The following PRKG1 variants were observed in gnomAD, a reference collection of about 807,000 sequenced individuals.
The protein encoded by PRKG1 is cGMP-dependent protein kinase 1.
A neutral mutation model predicts 88.1 loss-of-function variants in PRKG1; 35 were observed. The observed-to-expected ratio is 0.40, with a 90% CI of 0.30 to 0.53. The LOEUF is 0.53. PRKG1 is among the 20% of genes least tolerant of loss of function. The probability of loss-of-function intolerance (pLI) is 0.59; values close to 1 mark genes in which losing one functional copy is unlikely to be tolerated. For synonymous variants in PRKG1, 303 were observed against 292.5 expected (o/e 1.04, Z -0.37); for missense variants, 540 against 839.8 (o/e 0.64, Z 4.41).
intron 2 of PRKG1, among the ~76,000 whole-genome samples, chr10:51,279,828 A>G (rs1840241429): frequency 1.3e-5 from 2 of 152,016 alleles, no homozygotes; most frequent in South Asian, 2.1e-4. Context: ...TCTTTATCCA[A>G]TTTGCCAGTC....
intron 3 of PRKG1, among the ~76,000 whole-genome samples, chr10:51,563,995 C>T (rs1837535750): frequency 6.6e-6 from 1 of 152,104 alleles, no homozygotes; most frequent in Non-Finnish European, 1.5e-5. Flanking sequence ...GTAACTGCTT[C>T]CCAGTAAATT....
chr10:51,645,364 C>T (rs905464490), intron 3 of PRKG1, among the ~76,000 whole-genome samples: 2 of 152,152 alleles, frequency 1.3e-5, no homozygotes, highest in African/African-American at 4.8e-5. Context: ...GCAACAACAT[C>T]TTATATGTTT....
intron 3 of PRKG1, among the ~76,000 whole-genome samples, chr10:51,519,295 ATAAG>A (rs545756905): frequency 1.1e-4 from 17 of 152,130 alleles, no homozygotes; most frequent in Non-Finnish European, 2.4e-4. Flanking sequence ...TCAACAACCT[ATAAG>A]TAAGGTAGAT....
chr10:52,002,358 T>C (rs575061097), intron 5 of PRKG1, among the ~76,000 whole-genome samples: 2 of 152,226 alleles, frequency 1.3e-5, no homozygotes, highest in South Asian at 4.1e-4. Flanking sequence ...GGGAATACTT[T>C]TTGTTTCCAC....
intron 7 of PRKG1, among the ~76,000 whole-genome samples, chr10:52,075,990 G>A (rs1846619242): frequency 6.6e-6 from 1 of 152,062 alleles, no homozygotes; most frequent in Non-Finnish European, 1.5e-5. Flanking sequence ...TAAATTTAAA[G>A]GGGATAATTT....
At chr10:51,763,749 G>T (rs1589267266) in intron 3 of PRKG1, among the ~76,000 whole-genome samples, 1 of 151,212 alleles carries the variant, frequency 6.6e-6, no homozygotes, top group African/African-American at 2.5e-5. Flanking sequence ...AGAAAAAAAA[G>T]GAATTTATTT....
Position 51,514,309 on chromosome 10 carries a change from G to A in PRKG1, c.592+46473G>A, listed in dbSNP as rs112516706. ...TAATTTTTATTTCTTTGTCTGGGTC[G>A]TGGTTATACTAGTGTGTTCACTATC... is the stretch of plus-strand genomic sequence containing the variant. On this transcript the variant is annotated intron_variant, in intron 3 of 17. Coordinates refer to ENST00000373980, the MANE Select transcript of PRKG1 (RefSeq NM_006258.4). 3.8e-3 allele frequency among the ~76,000 whole-genome samples: 578 copies of A among 152,214 alleles called. 8 individuals are homozygous for A. The highest frequency in any genetic ancestry group is 0.011 in the Admixed American group (171 of 15,282).
chr10:51,220,948 A>G (rs1402699164), intron 2 of PRKG1, among the ~76,000 whole-genome samples: 1 of 152,128 alleles, frequency 6.6e-6, no homozygotes, highest in Non-Finnish European at 1.5e-5. Context: ...TGTAGTATGT[A>G]GAAATCTAAT....
At chr10:51,496,839 A>G (rs1205944344) in intron 3 of PRKG1, among the ~76,000 whole-genome samples, 1 of 152,196 alleles carries the variant, frequency 6.6e-6, no homozygotes, top group Non-Finnish European at 1.5e-5. Context: ...TTGAAGCTAT[A>G]TTCTGAGTTG....
intron 2 of PRKG1, among the ~76,000 whole-genome samples, chr10:51,380,725 T>C (rs1564469506): frequency 6.6e-6 from 1 of 152,058 alleles, no homozygotes; most frequent in Non-Finnish European, 1.5e-5. Flanking sequence ...GTGAACAGAA[T>C]GTAGAGGAGG....
intron 1 of PRKG1, among the ~76,000 whole-genome samples, chr10:51,039,569 G>A (rs886875072): frequency 6.6e-6 from 1 of 152,048 alleles, no homozygotes; most frequent in East Asian, 1.9e-4. Flanking sequence ...CCTTTGCTGT[G>A]GAGAAGTTTT....
intron 2 of PRKG1, among the ~76,000 whole-genome samples, chr10:51,436,412 A>G (rs2132736936): frequency 6.6e-6 from 1 of 152,096 alleles, no homozygotes. Flanking sequence ...CTCGTCATCA[A>G]CATGCCTTTA....
intron 2 of PRKG1, among the ~76,000 whole-genome samples, chr10:51,316,484 C>A (rs191334245): frequency 8.0e-4 from 122 of 152,132 alleles, no homozygotes; most frequent in African/African-American, 2.7e-3. Flanking sequence ...GAGTTCAAGA[C>A]CAGCCTGGCC....
In PRKG1 at chr10:52,062,489, C is replaced by T. The variant is rs147960972; in HGVS notation, c.841-48C>T. 45 of 1,199,478 alleles carry T rather than the reference C, an allele frequency of 3.8e-5. No homozygotes were observed. In the African/African-American group the frequency reaches 6.0e-4, roughly 16 times the overall value. The allele number at this position is 1,199,478 out of a possible 1,614,324, so 74.3% of individuals were successfully genotyped here. A position where few individuals can be genotyped will look rare whatever the true frequency, so the allele number is the denominator to read the frequency against. ...CTTCATTAATTAGTGTTCCTTTGTC[C>T]ATTGTGGGTAAGCAGTGGATCTAAA... On this transcript the variant is annotated intron_variant, in intron 6 of 17. Transcript: ENST00000373980.
At chr10:51,537,055 C>T (rs1842174927) in intron 3 of PRKG1, among the ~76,000 whole-genome samples, 1 of 152,008 alleles carries the variant, frequency 6.6e-6, no homozygotes, top group African/African-American at 2.4e-5. Flanking sequence ...GGTAGATGTC[C>T]AGGTCCACTC....
At chr10:52,118,568 A>G (rs1252126340) in intron 7 of PRKG1, among the ~76,000 whole-genome samples, 1 of 152,042 alleles carries the variant, frequency 6.6e-6, no homozygotes, top group Non-Finnish European at 1.5e-5. Flanking sequence ...TTTGGTAAAA[A>G]TTGATATGTT....
intron 4 of PRKG1, among the ~76,000 whole-genome samples, chr10:51,833,301 G>C (rs144430584): frequency 1.2e-4 from 18 of 152,276 alleles, no homozygotes; most frequent in Non-Finnish European, 2.2e-4. Context: ...TCAGTAGCTA[G>C]GCGTTTGAAG....
intron 2 of PRKG1, among the ~76,000 whole-genome samples, chr10:51,212,636 C>T (rs1589248768): frequency 6.6e-6 from 1 of 152,170 alleles, no homozygotes; most frequent in East Asian, 1.9e-4. Flanking sequence ...AACAAACAAC[C>T]CCATCAAAAA....
chr10:52,027,510 A>G lies in PRKG1; in HGVS notation c.763-26974A>G, dbSNP rs143309071. On this transcript the variant is annotated intron_variant, in intron 5 of 17. Transcript: ENST00000373980. ...CTTTTTGTTTCTAATATACAAGCCA[A>G]GATGTGAACAAGTTTCTTAAACAAT... 1.4e-3 allele frequency among the ~76,000 whole-genome samples: 208 copies of G among 152,350 alleles called. 1 individual carries two copies. The highest frequency in any genetic ancestry group is 4.6e-3 in the African/African-American group (193 of 41,598).
Sources: gnomAD v4.1 joint callset for allele counts (sites outside exome capture counted in the v4.1 genomes callset) on GRCh38, gnomAD v4.1.1 for gene constraint, MANE v1.5 for transcripts, NCBI Gene and HGNC (gene_info 2026-07-23, HGNC 2026-07-21) for gene names.